The following JPH3 variants were observed in gnomAD, a reference collection of about 807,000 sequenced individuals.
JPH3 encodes junctophilin 3, also known as junctophilin-3.
A neutral mutation model predicts 59.6 loss-of-function variants in JPH3; 11 were observed. The observed-to-expected ratio is 0.18, with a 90% CI of 0.12 to 0.31. The LOEUF (loss-of-function observed/expected upper bound fraction) is 0.31. Among genes scored for constraint, JPH3 ranks in the 10% least tolerant of loss-of-function variants. The pLI is 1.00. For missense variants in JPH3, 1,202 were observed against 1,105.7 expected, an observed-to-expected ratio of 1.09 and a Z score of -1.24; for synonymous variants, 673 against 483.6, an observed-to-expected ratio of 1.39 and a Z score of -5.14.
chr16:87,619,450 G>C (rs151068390), intron 1 of JPH3, among the ~76,000 whole-genome samples: 1 of 152,212 alleles, frequency 6.6e-6, no homozygotes, highest in Non-Finnish European at 1.5e-5. Context: ...TGCTCCGTTG[G>C]AGGTTGGACT....
chr16:87,622,563 G>A (rs1356671116), intron 1 of JPH3, among the ~76,000 whole-genome samples: 2 of 152,170 alleles, frequency 1.3e-5, no homozygotes, highest in Non-Finnish European at 2.9e-5. Context: ...CTGTGGCTGG[G>A]GTAGGAGGAG....
intron 2 of JPH3, among the ~76,000 whole-genome samples, chr16:87,657,724 C>G (rs1483796430): frequency 6.6e-6 from 1 of 152,204 alleles, no homozygotes; most frequent in African/African-American, 2.4e-5. Context: ...ACCCCCATGA[C>G]CACAGGAAGA....
At position 87,644,766 on chromosome 16, in the gene JPH3, C is replaced by T; in HGVS notation, c.891C>T (p.Arg297=). 6.2e-7 allele frequency: 1 copy of T among 1,613,360 alleles called. No individual in the cohort carries two copies. Among genetic ancestry groups the T allele is most frequent in the Non-Finnish European group, 8.5e-7 (1 of 1,179,914 alleles). The change falls in exon 2 of 5, where the codon CGC becomes CGT. Residue 297 remains arginine (R), a synonymous_variant. Coordinates refer to ENST00000284262, the MANE Select transcript of JPH3 (RefSeq NM_020655.4). ...TGGGCGAGTGGAAGAACGACAAACG[C>T]TCCGGCTTCGGCGTGAGCCAGCGCT... ...TYVGEWKNDK[R]SGFGVSQRSD... is the part of the protein sequence containing the mutation.
chr16:87,625,767 AC>A (rs2031351935), intron 1 of JPH3, among the ~76,000 whole-genome samples: 1 of 152,096 alleles, frequency 6.6e-6, no homozygotes, highest in Admixed American at 6.5e-5. Flanking sequence ...AGCAAAGGAG[AC>A]CCGGGGTTTA....
rs2033949452 is a variant in JPH3 at position 87,697,685 on chromosome 16, C to T, written c.*1025C>T. 1 of 152,292 alleles carries T rather than the reference C, an allele frequency of 6.6e-6. No individual in the cohort carries two copies. The highest frequency in any genetic ancestry group is 1.5e-5 in the Non-Finnish European group (1 of 68,074). The allele number at this position is 152,292 out of a possible 1,614,324, so 9.4% of individuals were successfully genotyped here. A position where few individuals can be genotyped will look rare whatever the true frequency, so the allele number is the denominator to read the frequency against. On this transcript the variant is annotated 3_prime_UTR_variant, in exon 5 of 5. Coordinates refer to ENST00000284262, the MANE Select transcript of JPH3 (RefSeq NM_020655.4). ...CCTTCCAGATGCCTCAGTGCTACAC[C>T]ACAGTGGGCCTGGTCCCAGGACAGG...
rs777677847 is a variant in JPH3, at chr16:87,696,669, C to T, written c.*9C>T. ...TTAACTTTTTCATCTGATGAGATGT[C>T]GCGGTAGCAAAAATAGAGAAAGGGT... On this transcript the variant is annotated 3_prime_UTR_variant, in exon 5 of 5. Coordinates refer to ENST00000284262, the MANE Select transcript of JPH3 (RefSeq NM_020655.4). 45 of 1,605,946 alleles carry T rather than the reference C, an allele frequency of 2.8e-5. No homozygotes were observed. Among genetic ancestry groups the T allele is most frequent in the East Asian group, 6.7e-5 (3 of 44,864 alleles).
rs2033304418 is a variant in JPH3 at position 87,681,881 on chromosome 16, CTCGGAT to C, written c.1161-2258_1161-2253del. Among the ~76,000 whole-genome samples, 4 of 152,270 alleles carry C rather than the reference CTCGGAT, an allele frequency of 2.6e-5. No homozygotes were observed. The South Asian group carries it at 8.3e-4, about 32-fold the overall frequency. ...CCTGGGTGCTGCAGCATGGCTGAGC[CTCGGAT>C]TCTCTGTCCAGGGCTAGCTGTGTTC... On this transcript the variant is annotated intron_variant, in intron 2 of 4. Transcript: ENST00000284262.
chr16:87,606,911 G>C (rs987670272), intron 1 of JPH3, among the ~76,000 whole-genome samples: 15 of 152,158 alleles, frequency 9.9e-5, no homozygotes, highest in African/African-American at 3.6e-4. Context: ...TACACCTCTA[G>C]AGGGTGATTT....
At chr16:87,634,685 G>A (rs192355970) in intron 1 of JPH3, among the ~76,000 whole-genome samples, 15 of 152,338 alleles carry the variant, frequency 9.8e-5, no homozygotes, top group Non-Finnish European at 1.8e-4. Flanking sequence ...CATGGGAAAC[G>A]GGCCCTATAG....
intron 1 of JPH3, among the ~76,000 whole-genome samples, chr16:87,623,888 G>A (rs12444562): frequency 0.12 from 19,026 of 152,310 alleles, 1,347 homozygotes; most frequent in African/African-American, 0.18. Flanking sequence ...CTTTCTGGAA[G>A]ATCCTCCTCC....
intron 2 of JPH3, among the ~76,000 whole-genome samples, chr16:87,677,183 T>TACACACACACAC (rs1156601635): frequency 1.3e-5 from 1 of 75,900 alleles, no homozygotes; most frequent in Non-Finnish European, 2.6e-5. Context: ...ACTATATATA[T>TACACACACACAC]ATACACACAC....
chr16:87,629,890 C>T (rs1056976272), intron 1 of JPH3, among the ~76,000 whole-genome samples: 42 of 152,078 alleles, frequency 2.8e-4, no homozygotes, highest in Non-Finnish European at 4.6e-4. Context: ...ATGCTAATAT[C>T]AGGGGAAGTG....
rs377692891 is a variant in JPH3 at position 87,684,133 on chromosome 16, C to T, written c.1161-9C>T. 8.7e-6 allele frequency: 14 copies of T among 1,612,668 alleles called. No homozygotes were observed. Among genetic ancestry groups the T allele is most frequent in the African/African-American group, 6.7e-5 (5 of 74,924 alleles). On this transcript the variant is annotated splice_polypyrimidine_tract_variant and intron_variant, in intron 2 of 4. Transcript: ENST00000284262. ...TGCCCCCCCTCACGCTCCTCCCTGT[C>T]TCCCCCAGGACCTCCCACTCTCGGG... is the stretch of plus-strand genomic sequence containing the variant.
At chr16:87,648,757 T>C (rs1358932183) in intron 2 of JPH3, among the ~76,000 whole-genome samples, 2 of 152,090 alleles carry the variant, frequency 1.3e-5, no homozygotes, top group African/African-American at 4.8e-5. Context: ...GTGACATCAT[T>C]GTTTGGGATG....
chr16:87,618,812 G>A (rs769816552), intron 1 of JPH3, among the ~76,000 whole-genome samples: 18 of 152,106 alleles, frequency 1.2e-4, no homozygotes, highest in East Asian at 5.8e-4. Context: ...ATTTCAGGCC[G>A]GGCGCAGTGC....
chr16:87,631,869 T>C (rs1180123417), intron 1 of JPH3, among the ~76,000 whole-genome samples: 2 of 152,226 alleles, frequency 1.3e-5, no homozygotes, highest in Admixed American at 1.3e-4. Context: ...AAGCTCTTTA[T>C]CCCTGGTCTT....
At chr16:87,658,335 T>C (rs1381744545) in intron 2 of JPH3, among the ~76,000 whole-genome samples, 1 of 152,158 alleles carries the variant, frequency 6.6e-6, no homozygotes, top group Non-Finnish European at 1.5e-5. Flanking sequence ...GAATTTTCTC[T>C]GTTTCCCTCT....
chr16:87,645,314 A>G (rs2032109915), intron 2 of JPH3, among the ~76,000 whole-genome samples: 2 of 152,158 alleles, frequency 1.3e-5, no homozygotes, highest in African/African-American at 4.8e-5. Flanking sequence ...CTATATGCTG[A>G]TGTTTAGTGT....
chr16:87,604,587 C>G, intron 1 of JPH3: 1 of 1,227,598 alleles, frequency 8.1e-7, no homozygotes, highest in Non-Finnish European at 1.0e-6. Context: ...TGAGACGCAG[C>G]AATGACTTGT....
Sources: allele counts gnomAD v4.1 joint callset (sites outside exome capture counted in the v4.1 genomes callset), GRCh38; gene constraint gnomAD v4.1.1; transcripts MANE v1.5; gene names NCBI Gene and HGNC (gene_info 2026-07-23, HGNC 2026-07-21).